The following HMOX2 variants were observed in gnomAD, a reference collection of about 807,000 sequenced individuals.
HMOX2 encodes heme oxygenase (decycling) 2.
A neutral mutation model predicts 33.7 loss-of-function variants in HMOX2; 30 were observed. The observed-to-expected ratio is 0.89, with a 90% CI of 0.67 to 1.21. The LOEUF is 1.21. HMOX2 is among the 50% of genes most tolerant of loss of function. The pLI is 0.00. For synonymous variants in HMOX2, 155 were observed against 155.0 expected, an observed-to-expected ratio of 1.00 and a Z score of 0.00; for missense variants, 403 against 399.1, an observed-to-expected ratio of 1.01 and a Z score of -0.08.
intron 1 of HMOX2, among the ~76,000 whole-genome samples, chr16:4,488,257 T>C (rs1248659287): frequency 6.6e-6 from 1 of 152,184 alleles, no homozygotes; most frequent in Non-Finnish European, 1.5e-5. Context: ...TGTTGCCTAA[T>C]CATGTCCTCA....
chr16:4,506,648 A>G (rs556628231), intron 2 of HMOX2, among the ~76,000 whole-genome samples: 13 of 152,118 alleles, frequency 8.5e-5, no homozygotes, highest in Non-Finnish European at 1.6e-4. Flanking sequence ...CGTGGGTACT[A>G]CTCTCAAGGA....
chr16:4,493,172 C>T (rs1373507080), intron 1 of HMOX2, among the ~76,000 whole-genome samples: 1 of 151,992 alleles, frequency 6.6e-6, no homozygotes, highest in Non-Finnish European at 1.5e-5. Context: ...TGGATGTGAC[C>T]ACAACTGCAT....
chr16:4,481,205 C>T (rs1405502121), intron 1 of HMOX2, among the ~76,000 whole-genome samples: 43 of 151,686 alleles, frequency 2.8e-4, no homozygotes, highest in Non-Finnish European at 5.0e-4. Context: ...AAAAATTAGC[C>T]GGGCATGGTG....
chr16:4,509,853 T>C lies in HMOX2; in HGVS notation c.*97T>C. 1 of 1,387,394 alleles carries C rather than the reference T, an allele frequency of 7.2e-7. No homozygotes were observed. The highest frequency in any genetic ancestry group is 1.4e-5 in the South Asian group (1 of 73,444). 85.9% of individuals were successfully genotyped at this position (1,387,394 alleles called of 1,614,324 possible). ...TAAACTACCACCTCAGGTGACTTTT[T>C]AAAAAATGCTGGGTTTAAGAAAGGC... is the stretch of plus-strand genomic sequence containing the variant. On this transcript the variant is annotated 3_prime_UTR_variant, in exon 6 of 6. Transcript: ENST00000570646.
intron 1 of HMOX2, among the ~76,000 whole-genome samples, chr16:4,484,960 T>G (rs1234248662): frequency 6.6e-6 from 1 of 152,048 alleles, no homozygotes; most frequent in South Asian, 2.1e-4. Flanking sequence ...GTTTTTTTTT[T>G]CCCTGAAGAT....
chr16:4,487,951 CAAAA>C (rs71139635), intron 1 of HMOX2, among the ~76,000 whole-genome samples: 38 of 70,660 alleles, frequency 5.4e-4, no homozygotes, highest in Middle Eastern at 9.4e-3. Context: ...AACTCTGTCT[CAAAA>C]AAAAAAAAAA....
At chr16:4,486,500 C>T (rs2058171483) in intron 1 of HMOX2, among the ~76,000 whole-genome samples, 1 of 152,146 alleles carries the variant, frequency 6.6e-6, no homozygotes, top group Non-Finnish European at 1.5e-5. Flanking sequence ...AGTACCAATG[C>T]TGGGGATGAG....
intron 1 of HMOX2, among the ~76,000 whole-genome samples, chr16:4,486,913 G>A (rs1380106032): frequency 6.6e-6 from 1 of 152,182 alleles, no homozygotes; most frequent in Admixed American, 6.6e-5. Flanking sequence ...TTTAAGTATG[G>A]AAGCTCACTT....
chr16:4,480,527 T>C (rs57916339), intron 1 of HMOX2, among the ~76,000 whole-genome samples: 17,364 of 151,746 alleles, frequency 0.11, 2,066 homozygotes, highest in African/African-American at 0.3. Flanking sequence ...GTATTTTTAG[T>C]AGAGACGGGG....
In HMOX2 at chr16:4,509,539, G is replaced by A. The variant is rs1030346909; in HGVS notation, c.823+1G>A. On this transcript the variant is annotated splice_donor_variant, in intron 5 of 5. Transcript: ENST00000570646. LOFTEE classifies it high-confidence loss of function. ...TTCTACGCTGCTGAACAAGACAAAG[G>A]TAGGTCTGTGTGTCCTGAGCTCCCC... 1 of 1,614,166 alleles carries A rather than the reference G, an allele frequency of 6.2e-7. No homozygotes were observed. Among genetic ancestry groups the A allele is most frequent in the East Asian group, 2.2e-5 (1 of 44,864 alleles).
intron 1 of HMOX2, among the ~76,000 whole-genome samples, chr16:4,500,867 C>T (rs560311534): frequency 2.0e-4 from 31 of 152,180 alleles, no homozygotes; most frequent in Non-Finnish European, 3.5e-4. Context: ...AACTTTGTTA[C>T]TGCTTCTGTT....
chr16:4,507,432 G>A (rs2058721954), intron 3 of HMOX2, among the ~76,000 whole-genome samples: 2 of 151,058 alleles, frequency 1.3e-5, no homozygotes, highest in African/African-American at 4.9e-5. Flanking sequence ...GTGACAGAGC[G>A]AGACTCTTTA....
chr16:4,507,047 T>C (rs991993906), intron 3 of HMOX2, 35 bp downstream of exon 3: 2 of 1,371,708 alleles, frequency 1.5e-6, no homozygotes, highest in African/African-American at 1.4e-5. Context: ...GACTGTCATA[T>C]GGGGTTGGGG....
At position 4,507,765 on chromosome 16, in the gene HMOX2, A is replaced by T. The variant is rs1432394162; in HGVS notation, c.257A>T (p.Glu86Val). The T allele has an allele frequency of 6.2e-7, 1 of 1,614,036 alleles. No individual in the cohort carries two copies. The highest frequency in any genetic ancestry group is 1.3e-5 in the African/African-American group (1 of 74,890). Residue 86 changes from glutamate (E) to valine (V), a missense_variant, in exon 4 of 6, where the codon GAG becomes GTG. Glu to Val is a moderately radical substitution (Grantham distance 121). Transcript: ENST00000570646. ...FTYSALEEEM[E>V]RNKDHPAFAP... ...TACTCAGCCCTCGAGGAGGAAATGG[A>T]GCGCAACAAGGACCATCCAGCCTTT...
chr16:4,506,930 C>A lies in HMOX2; in HGVS notation c.122C>A (p.Thr41Asn). ...CTCTCGGAGCTCCTGAAGGAAGGGACCAAGGAAGCACACGACCGGGCAGAA... is the reference window on the plus strand; with the variant it reads ...CTCTCGGAGCTCCTGAAGGAAGGGAACAAGGAAGCACACGACCGGGCAGAA... ...ADLSELLKEGTKEAHDRAENT... is the reference protein window; with the variant it reads ...ADLSELLKEGNKEAHDRAENT... Residue 41 changes from threonine to asparagine, a missense_variant, in exon 3 of 6, where the codon ACC (threonine) becomes AAC (asparagine). Thr to Asn is a moderately conservative substitution (Grantham distance 65). Transcript: ENST00000570646. The A allele has an allele frequency of 6.2e-7, 1 of 1,614,016 alleles. No individual in the cohort carries two copies. The highest frequency in any genetic ancestry group is 8.5e-7 in the Non-Finnish European group (1 of 1,179,938).
At chr16:4,495,965 T>C (rs1174270160) in intron 1 of HMOX2, 1 of 152,108 alleles carries the variant, frequency 6.6e-6, no homozygotes, top group Admixed American at 6.6e-5. Context: ...CTGTTAGTCA[T>C]CAAAAATAGA....
At chr16:4,487,133 C>T (rs1422476275) in intron 1 of HMOX2, among the ~76,000 whole-genome samples, 1 of 152,094 alleles carries the variant, frequency 6.6e-6, no homozygotes, top group Non-Finnish European at 1.5e-5. Flanking sequence ...GTAGTGAATG[C>T]CTGTAGTCTC....
At chr16:4,477,572 G>C (rs969672665) in intron 1 of HMOX2, among the ~76,000 whole-genome samples, 4 of 149,436 alleles carry the variant, frequency 2.7e-5, no homozygotes, top group Non-Finnish European at 5.9e-5. Context: ...CCATCCTTAC[G>C]TACTGTGTTT....
chr16:4,506,766 C>G (rs2058703284), intron 2 of HMOX2, 129 bp from the exon 3 acceptor site: 1 of 687,270 alleles, frequency 1.5e-6, no homozygotes, highest in African/African-American at 1.8e-5. Context: ...AGTGAAGTGT[C>G]TGAGAAGCCC....
Sources: allele counts gnomAD v4.1 joint callset (sites outside exome capture counted in the v4.1 genomes callset), GRCh38; gene constraint gnomAD v4.1.1; transcripts MANE v1.5; gene names NCBI Gene and HGNC (gene_info 2026-07-23, HGNC 2026-07-21).